The following HDAC4 variants were observed in gnomAD, a reference collection of about 807,000 sequenced individuals.
The protein encoded by HDAC4 is histone deacetylase A.
Under a neutral mutation model 135.1 loss-of-function variants are expected in HDAC4, and 16 were observed. That is an observed-to-expected ratio of 0.12 (90% CI 0.08 to 0.18). The LOEUF is 0.18. HDAC4 is among the 10% of genes least tolerant of loss of function. HDAC4 has a pLI of 1.00. For synonymous variants in HDAC4, 685 were observed against 653.4 expected, an observed-to-expected ratio of 1.05 and a Z score of -0.74; for missense variants, 1,143 against 1,511.8, an observed-to-expected ratio of 0.76 and a Z score of 4.05.
At chr2:239,319,839 CA>C (rs1157820636) in intron 2 of HDAC4, among the ~76,000 whole-genome samples, 2 of 152,108 alleles carry the variant, frequency 1.3e-5, no homozygotes, top group African/African-American at 4.8e-5. Flanking sequence ...ACATGAAGTT[CA>C]AAAACATAAA....
intron 1 of HDAC4, among the ~76,000 whole-genome samples, chr2:239,398,005 G>A (rs754673287): frequency 5.9e-5 from 9 of 152,188 alleles, no homozygotes; most frequent in African/African-American, 1.9e-4. Context: ...AACAGGGCAG[G>A]GGCTCAGTCT....
At chr2:239,274,592 A>G (rs1487354548) in intron 2 of HDAC4, among the ~76,000 whole-genome samples, 1 of 152,214 alleles carries the variant, frequency 6.6e-6, no homozygotes, top group Non-Finnish European at 1.5e-5. Context: ...TAAAAACGAG[A>G]ACCTCATTTG....
chr2:239,206,396 A>ACGTG, intron 3 of HDAC4, among the ~76,000 whole-genome samples: 1 of 136,982 alleles, frequency 7.3e-6, no homozygotes, highest in South Asian at 2.2e-4. Flanking sequence ...ACATACGTGC[A>ACGTG]CACACACACA....
At chr2:239,119,332 G>T (rs1448775931) in intron 12 of HDAC4, among the ~76,000 whole-genome samples, 1 of 152,192 alleles carries the variant, frequency 6.6e-6, no homozygotes, top group Admixed American at 6.5e-5. Flanking sequence ...TCGGGAGGAG[G>T]GAGAGCAGCA....
intron 3 of HDAC4, among the ~76,000 whole-genome samples, chr2:239,235,930 T>C (rs56175158): frequency 0.021 from 3,223 of 152,158 alleles, 116 homozygotes; most frequent in African/African-American, 0.074. Flanking sequence ...TCCCAGCTAC[T>C]TGGGGAGACT....
chr2:239,243,417 G>A (rs13425214), intron 2 of HDAC4, among the ~76,000 whole-genome samples: 27,021 of 152,142 alleles, frequency 0.18, 3,595 homozygotes, highest in East Asian at 0.38. Flanking sequence ...CTCCCAAAGT[G>A]CTGGGATTAC....
intron 17 of HDAC4, chr2:239,093,787 AT>A (rs1344838047): frequency 3.5e-6 from 1 of 289,066 alleles, no homozygotes; most frequent in Non-Finnish European, 5.2e-6. Flanking sequence ...TCATTTGCAA[AT>A]GATAAATTCT....
At chr2:239,075,921 G>A (rs1559377948) in intron 22 of HDAC4, among the ~76,000 whole-genome samples, 1 of 151,898 alleles carries the variant, frequency 6.6e-6, no homozygotes, top group Non-Finnish European at 1.5e-5. Flanking sequence ...GCTTCCCAGG[G>A]AGACAGAGCT....
intron 2 of HDAC4, among the ~76,000 whole-genome samples, chr2:239,251,464 G>A (rs1318836355): frequency 3.9e-5 from 6 of 152,142 alleles, no homozygotes; most frequent in Non-Finnish European, 8.8e-5. Flanking sequence ...GTGTGGTGGC[G>A]TGTGACTGTA....
At chr2:239,070,706 G>A (rs2034097573) in intron 22 of HDAC4, among the ~76,000 whole-genome samples, 1 of 152,230 alleles carries the variant, frequency 6.6e-6, no homozygotes, top group African/African-American at 2.4e-5. Flanking sequence ...CCAGGTGCAA[G>A]GGGCCTGTGC....
intron 3 of HDAC4, 120 bp downstream of exon 3, chr2:239,236,473 C>T (rs2047892475): frequency 1.0e-5 from 8 of 782,874 alleles, no homozygotes; most frequent in Non-Finnish European, 1.3e-5. Flanking sequence ...ATTCAGTGAA[C>T]CTGATACCCC....
chr2:239,079,973 G>GACACACACCTGCAGACATGC (rs2035145088), intron 22 of HDAC4, among the ~76,000 whole-genome samples: 1 of 151,950 alleles, frequency 6.6e-6, no homozygotes, highest in Admixed American at 6.5e-5. Context: ...CATAGGCATG[G>GACACACACCTGCAGACATGC]ACACACACCT....
At chr2:239,093,917 C>A (rs2036749209) in intron 17 of HDAC4, 1 of 982,528 alleles carries the variant, frequency 1.0e-6, no homozygotes, top group Non-Finnish European at 1.2e-6. Context: ...TAAAATAACT[C>A]TAGGAGGGCT....
At chr2:239,385,458 CCT>C in intron 1 of HDAC4, among the ~76,000 whole-genome samples, 1 of 152,368 alleles carries the variant, frequency 6.6e-6, no homozygotes, top group South Asian at 2.1e-4. Context: ...CACCCGGCTC[CCT>C]GTTGGTGGCC....
intron 6 of HDAC4, chr2:239,162,263 G>T (rs901359965): frequency 2.0e-5 from 9 of 455,434 alleles, no homozygotes; most frequent in Admixed American, 4.7e-5. Flanking sequence ...CTCACAGGGG[G>T]ACCCAAGGCG....
At chr2:239,107,151 A>G (rs1426184254) in intron 15 of HDAC4, among the ~76,000 whole-genome samples, 1 of 152,180 alleles carries the variant, frequency 6.6e-6, no homozygotes, top group Admixed American at 6.5e-5. Flanking sequence ...CCCTGTCAAG[A>G]GCTCAAGATC....
At chr2:239,179,658 A>G (rs2044012838) in intron 4 of HDAC4, among the ~76,000 whole-genome samples, 2 of 152,234 alleles carry the variant, frequency 1.3e-5, no homozygotes, top group African/African-American at 4.8e-5. Flanking sequence ...CTTCAGAGCA[A>G]GAGGTGATAA....
chr2:239,153,140 A>G (rs534840700), intron 7 of HDAC4, among the ~76,000 whole-genome samples: 10 of 152,324 alleles, frequency 6.6e-5, no homozygotes, highest in African/African-American at 2.4e-4. Flanking sequence ...TGCTTTCACC[A>G]GGGAGGTCAG....
intron 20 of HDAC4, among the ~76,000 whole-genome samples, chr2:239,083,089 G>A (rs896298708): frequency 3.3e-5 from 5 of 152,234 alleles, no homozygotes; most frequent in African/African-American, 9.6e-5. Flanking sequence ...CTGTGAAGAC[G>A]CACATGGAGG....
Sources: gnomAD v4.1 joint callset for allele counts (sites outside exome capture counted in the v4.1 genomes callset) on GRCh38, gnomAD v4.1.1 for gene constraint, MANE v1.5 for transcripts, NCBI Gene and HGNC (gene_info 2026-07-23, HGNC 2026-07-21) for gene names.